Variants in BRMS1L observed in about 807,000 individuals in gnomAD.
BRMS1L encodes the protein BRMS1 like transcriptional repressor.
A neutral mutation model predicts 50.3 loss-of-function variants in BRMS1L; 23 were observed. The observed-to-expected ratio is 0.46, with a 90% CI of 0.33 to 0.65. The LOEUF (loss-of-function observed/expected upper bound fraction) is 0.65. Ranked by LOEUF, BRMS1L falls within the 30% of genes least tolerant of loss-of-function variation. The pLI, the probability that BRMS1L is intolerant of heterozygous loss-of-function variation, is 0.02. For synonymous variants in BRMS1L, 114 were observed against 126.9 expected (o/e 0.90, Z 0.69); for missense variants, 286 against 386.1 (o/e 0.74, Z 2.17).
intron 4 of BRMS1L, among the ~76,000 whole-genome samples, chr14:35,839,698 T>C (rs947089025): frequency 6.6e-6 from 1 of 152,218 alleles, no homozygotes; most frequent in Non-Finnish European, 1.5e-5. Flanking sequence ...ATAGGAATGC[T>C]TGTGATTTTT....
intron 4 of BRMS1L, among the ~76,000 whole-genome samples, chr14:35,853,953 T>A (rs1336506206): frequency 1.3e-5 from 2 of 152,160 alleles, no homozygotes; most frequent in Non-Finnish European, 2.9e-5. Context: ...ATTAATAGAA[T>A]CTAAAAATTA....
rs897495880 is a variant in BRMS1L at position 35,857,485 on chromosome 14, TA to T, written c.442-5096del. ...GGAATTTACCCTCATATTCCTTTCTTAAAAAAAAATTTTTTTATAGAGATGG... is the reference window on the plus strand; with the variant it reads ...GGAATTTACCCTCATATTCCTTTCTTAAAAAAAATTTTTTTATAGAGATGG... On this transcript the variant is annotated intron_variant, in intron 4 of 9. Transcript: ENST00000216807. Among the ~76,000 whole-genome samples the T allele has an allele frequency of 1.7e-3, 253 of 151,628 alleles. 1 individual carries two copies. Among genetic ancestry groups the T allele is most frequent in the Middle Eastern group, 6.9e-3 (2 of 290 alleles).
At chr14:35,846,525 C>CA (rs1290775388) in intron 4 of BRMS1L, among the ~76,000 whole-genome samples, 1 of 152,048 alleles carries the variant, frequency 6.6e-6, no homozygotes, top group African/African-American at 2.4e-5. Context: ...ATGATCTTTA[C>CA]ATTTTTGAAA....
chr14:35,842,505 T>C lies in BRMS1L; in HGVS notation c.441+7582T>C, dbSNP rs542337666. Reference sequence around the variant, plus strand: ...TCTTTAAGAATATTGAATATTGGCCTCCACTCTATTCTGGCCTTTAGGGTT... The same window carrying C: ...TCTTTAAGAATATTGAATATTGGCCCCCACTCTATTCTGGCCTTTAGGGTT... On this transcript the variant is annotated intron_variant, in intron 4 of 9. Coordinates refer to ENST00000216807, the MANE Select transcript of BRMS1L (RefSeq NM_032352.4). Among the ~76,000 whole-genome samples the C allele has an allele frequency of 2.0e-5, 3 of 152,306 alleles. No homozygotes were observed. The East Asian group carries it at 5.8e-4, about 29-fold the overall frequency.
chr14:35,857,431 T>C (rs1008843396), intron 4 of BRMS1L, among the ~76,000 whole-genome samples: 1 of 151,960 alleles, frequency 6.6e-6, no homozygotes, highest in Admixed American at 6.6e-5. Context: ...GTGGCAATTA[T>C]ATTTCTAACT....
intron 9 of BRMS1L, among the ~76,000 whole-genome samples, chr14:35,870,054 C>T (rs2078469713): frequency 6.7e-6 from 1 of 148,722 alleles, no homozygotes; most frequent in Admixed American, 6.7e-5. Flanking sequence ...CTTTTAGCTC[C>T]AGTTTTTTTT....
Position 35,833,071 on chromosome 14 carries a change from A to G in BRMS1L, c.327A>G (p.Leu109=), listed in dbSNP as rs762022323. 6 of 1,613,376 alleles carry G rather than the reference A, an allele frequency of 3.7e-6. No homozygotes were observed. In the South Asian group the frequency reaches 4.4e-5, roughly 12 times the overall value. ...APEYLEPLAT[L]QENMQIRTKV... ...AATACTTGGAACCGCTGGCAACTTT[A>G]CAGGAAAATATGCAAATTCGTACAA... The change falls in exon 3 of 10, where the codon TTA becomes TTG. Residue 109 remains leucine (L), a synonymous_variant. Coordinates refer to ENST00000216807, the MANE Select transcript of BRMS1L (RefSeq NM_032352.4).
chr14:35,865,815 AG>A (rs2078413381), intron 8 of BRMS1L, 54 bp downstream of exon 8: 1 of 1,489,488 alleles, frequency 6.7e-7, no homozygotes, highest in African/African-American at 1.4e-5. Context: ...TTGTTGAATC[AG>A]GGTTGTTATC....
intron 4 of BRMS1L, among the ~76,000 whole-genome samples, chr14:35,860,919 G>A (rs1050970711): frequency 6.6e-6 from 1 of 152,184 alleles, no homozygotes; most frequent in Non-Finnish European, 1.5e-5. Flanking sequence ...CTATACTTAT[G>A]AGTAGTATTT....
chr14:35,832,835 T>TA (rs1441297196), intron 2 of BRMS1L, 143 bp from the exon 3 acceptor site: 5 of 643,472 alleles, frequency 7.8e-6, no homozygotes, highest in Non-Finnish European at 1.3e-5. Flanking sequence ...GTAACTGAGT[T>TA]CTCTGCTTGA....
chr14:35,829,879 T>C (rs934768784), intron 1 of BRMS1L: 6 of 1,210,394 alleles, frequency 5.0e-6, no homozygotes, highest in African/African-American at 4.8e-5. Context: ...GATATGAACA[T>C]AGAAAATGTG....
At chr14:35,827,791 T>G (rs1463826290) in intron 1 of BRMS1L, among the ~76,000 whole-genome samples, 1 of 152,196 alleles carries the variant, frequency 6.6e-6, no homozygotes, top group Admixed American at 6.5e-5. Flanking sequence ...ATCGTTTCAA[T>G]ATTGGGTGGT....
intron 1 of BRMS1L, among the ~76,000 whole-genome samples, chr14:35,828,733 G>A (rs1368698753): frequency 6.6e-6 from 1 of 152,026 alleles, no homozygotes; most frequent in Non-Finnish European, 1.5e-5. Flanking sequence ...TAGGATTATA[G>A]GTGTGAGCCA....
chr14:35,845,817 G>A (rs764200956), intron 4 of BRMS1L, among the ~76,000 whole-genome samples: 6 of 152,056 alleles, frequency 3.9e-5, no homozygotes, highest in African/African-American at 1.4e-4. Context: ...GTTCACCAGC[G>A]TGATCATAGT....
intron 1 of BRMS1L, among the ~76,000 whole-genome samples, chr14:35,831,208 G>A (rs1172120981): frequency 2.6e-5 from 4 of 151,976 alleles, no homozygotes; most frequent in Non-Finnish European, 5.9e-5. Context: ...CCAAACTGCT[G>A]GAATTAGAGG....
intron 1 of BRMS1L, among the ~76,000 whole-genome samples, chr14:35,828,847 G>A (rs2077881826): frequency 6.6e-6 from 1 of 152,194 alleles, no homozygotes; most frequent in Non-Finnish European, 1.5e-5. Context: ...ATATGGGAAG[G>A]GGAGAATAAT....
At chr14:35,849,226 C>T (rs1044234261) in intron 4 of BRMS1L, among the ~76,000 whole-genome samples, 1 of 152,142 alleles carries the variant, frequency 6.6e-6, no homozygotes. Context: ...TTTAAGTTCC[C>T]AACAGTGAAC....
chr14:35,846,577 G>A (rs1320995848), intron 4 of BRMS1L, among the ~76,000 whole-genome samples: 1 of 152,102 alleles, frequency 6.6e-6, no homozygotes, highest in Non-Finnish European at 1.5e-5. Flanking sequence ...TCAGTTTTGA[G>A]TTGGTCTGCT....
At chr14:35,862,501 A>G in intron 4 of BRMS1L, 89 bp from the exon 5 acceptor site, 1 of 663,792 alleles carries the variant, frequency 1.5e-6, no homozygotes. Flanking sequence ...AGCATCATAT[A>G]TTAAAGTACT....
Sources: gnomAD v4.1 joint callset for allele counts (sites outside exome capture counted in the v4.1 genomes callset) on GRCh38, gnomAD v4.1.1 for gene constraint, MANE v1.5 for transcripts, NCBI Gene and HGNC (gene_info 2026-07-23, HGNC 2026-07-21) for gene names.